The following EGFLAM variants were observed in gnomAD, a reference collection of about 807,000 sequenced individuals.
EGFLAM encodes the protein pikachurin.
In EGFLAM, 79 loss-of-function variants were observed where a neutral mutation model predicts 113.1. The observed-to-expected ratio is 0.70, with a 90% confidence interval of 0.58 to 0.84. EGFLAM has a LOEUF of 0.84. Ranked by LOEUF, EGFLAM falls within the 40% of genes least tolerant of loss-of-function variation. The probability of loss-of-function intolerance (pLI) is 0.00; values close to 1 mark genes in which losing one functional copy is unlikely to be tolerated. For missense variants in EGFLAM, 1,265 were observed against 1,291.6 expected (o/e 0.98, Z 0.32); for synonymous variants, 504 against 487.6 (o/e 1.03, Z -0.44).
chr5:38,426,810 G>T (rs946657767), intron 13 of EGFLAM, among the ~76,000 whole-genome samples, 199 bp from the exon 14 acceptor site: 14 of 152,110 alleles, frequency 9.2e-5, no homozygotes, highest in African/African-American at 3.4e-4. Context: ...GAAGTTTTAG[G>T]GGCCAGACTT....
chr5:38,355,860 A>T (rs1739749290), intron 5 of EGFLAM, among the ~76,000 whole-genome samples: 1 of 152,132 alleles, frequency 6.6e-6, no homozygotes, highest in Non-Finnish European at 1.5e-5. Context: ...TCCCAAGTTC[A>T]AGTGATTCTC....
At position 38,330,669 on chromosome 5, in the gene EGFLAM, G is replaced by T. The variant is rs139638452; in HGVS notation, c.98-6851G>T. On this transcript the variant is annotated intron_variant, in intron 1 of 21. Coordinates refer to ENST00000322350, the MANE Select transcript of EGFLAM (RefSeq NM_152403.4). ...GGTTCCCCTGTTAGTGACCCAAGGA[G>T]CCTGCCTTGATCACTTGCAATTTTT... 1.1e-3 allele frequency among the ~76,000 whole-genome samples: 171 copies of T among 152,286 alleles called. 1 individual carries two copies. The highest frequency in any genetic ancestry group is 3.8e-3 in the African/African-American group (158 of 41,554).
At chr5:38,278,469 A>G (rs1020237127) in intron 1 of EGFLAM, among the ~76,000 whole-genome samples, 3 of 152,120 alleles carry the variant, frequency 2.0e-5, no homozygotes, top group Admixed American at 1.3e-4. Context: ...AAAGAGCTCT[A>G]TAACATTGAT....
At chr5:38,422,016 G>A (rs1381032152) in intron 12 of EGFLAM, among the ~76,000 whole-genome samples, 1 of 152,092 alleles carries the variant, frequency 6.6e-6, no homozygotes, top group Non-Finnish European at 1.5e-5. Context: ...TGGTGGTGGT[G>A]GTAGAAACAG....
intron 6 of EGFLAM, among the ~76,000 whole-genome samples, chr5:38,402,619 A>G (rs1741150963): frequency 6.6e-6 from 1 of 152,162 alleles, no homozygotes; most frequent in Non-Finnish European, 1.5e-5. Flanking sequence ...ATTTTAGGTA[A>G]ATTACTTAAC....
intron 1 of EGFLAM, among the ~76,000 whole-genome samples, chr5:38,304,940 AT>A (rs1461780937): frequency 4.6e-5 from 7 of 152,184 alleles, no homozygotes; most frequent in African/African-American, 1.7e-4. Context: ...GAGCCTTGGG[AT>A]TTTAATAATA....
At chr5:38,302,236 C>CAAA (rs35820077) in intron 1 of EGFLAM, among the ~76,000 whole-genome samples, 2 of 100,780 alleles carry the variant, frequency 2.0e-5, no homozygotes, top group Non-Finnish European at 4.3e-5. Flanking sequence ...AAGTCCATCT[C>CAAA]AAAAAAAAAA....
chr5:38,313,628 C>T (rs1382442980), intron 1 of EGFLAM, among the ~76,000 whole-genome samples: 1 of 152,110 alleles, frequency 6.6e-6, no homozygotes, highest in Non-Finnish European at 1.5e-5. Context: ...CTAATCAAAA[C>T]ATATAAAAAC....
chr5:38,376,285 TA>T (rs1251252865), intron 6 of EGFLAM, among the ~76,000 whole-genome samples: 1 of 152,170 alleles, frequency 6.6e-6, no homozygotes, highest in Non-Finnish European at 1.5e-5. Flanking sequence ...ATGGCAGAAG[TA>T]AAAAAGTCAC....
At chr5:38,441,622 A>G (rs1341163907) in intron 17 of EGFLAM, among the ~76,000 whole-genome samples, 5 of 151,632 alleles carry the variant, frequency 3.3e-5, no homozygotes, top group East Asian at 1.9e-4. Context: ...ACACACACAC[A>G]CGCATTCACG....
At chr5:38,386,979 G>A (rs1025938852) in intron 6 of EGFLAM, among the ~76,000 whole-genome samples, 1 of 152,200 alleles carries the variant, frequency 6.6e-6, no homozygotes, top group Admixed American at 6.5e-5. Context: ...GGTTTTGTGG[G>A]TCAGGGAACT....
intron 3 of EGFLAM, among the ~76,000 whole-genome samples, chr5:38,348,392 G>C (rs1739529336): frequency 6.6e-6 from 1 of 152,146 alleles, no homozygotes; most frequent in South Asian, 2.1e-4. Context: ...CAGAGAAAGG[G>C]GGGTGGATGG....
chr5:38,438,363 C>T lies in EGFLAM; in HGVS notation c.2372C>T (p.Ala791Val). Residue 791 changes from alanine (A) to valine (V), a missense_variant, in exon 17 of 22, where the codon GCC becomes GTC. Physicochemically the swap from Ala to Val is moderately conservative, Grantham distance 64 (BLOSUM62 0). Transcript: ENST00000322350. The stretch of plus-strand genomic sequence containing the variant: ...AATGCGGCCCACCCCTGTGTGAGAG[C>T]CCCTTGTGCCCATGGGGGCAGCTGC... ...VENAAHPCVR[A>V]PCAHGGSCRP... 1.9e-6 allele frequency: 3 copies of T among 1,614,106 alleles called. No individual in the cohort carries two copies. The highest frequency in any genetic ancestry group is 2.5e-6 in the Non-Finnish European group (3 of 1,179,988).
At chr5:38,446,975 G>A (rs1355103599) in intron 17 of EGFLAM, among the ~76,000 whole-genome samples, 5 of 152,142 alleles carry the variant, frequency 3.3e-5, no homozygotes, top group African/African-American at 1.2e-4. Flanking sequence ...TTTTCGTGAA[G>A]CTATAACGTG....
chr5:38,388,792 G>A (rs10472302), intron 6 of EGFLAM, among the ~76,000 whole-genome samples: 42,354 of 149,308 alleles, frequency 0.28, 7,188 homozygotes, highest in African/African-American at 0.47. Flanking sequence ...GCTGGGCTCA[G>A]TGGTGCACAC....
chr5:38,363,050 G>A (rs1739968900), intron 5 of EGFLAM, among the ~76,000 whole-genome samples: 1 of 152,150 alleles, frequency 6.6e-6, no homozygotes, highest in Non-Finnish European at 1.5e-5. Flanking sequence ...TTGTCATTTG[G>A]TTAGGTTAAA....
chr5:38,267,563 T>A (rs961363182), intron 1 of EGFLAM, among the ~76,000 whole-genome samples: 1 of 152,100 alleles, frequency 6.6e-6, no homozygotes, highest in African/African-American at 2.4e-5. Flanking sequence ...CTGTAATTTA[T>A]TTTTTAAGTA....
At chr5:38,419,405 G>T (rs1479948698) in intron 12 of EGFLAM, among the ~76,000 whole-genome samples, 1 of 152,136 alleles carries the variant, frequency 6.6e-6, no homozygotes, top group Non-Finnish European at 1.5e-5. Context: ...GAAATGGCAA[G>T]TCTCCTCCTT....
chr5:38,455,006 T>C (rs1743040960), intron 19 of EGFLAM, among the ~76,000 whole-genome samples: 1 of 152,248 alleles, frequency 6.6e-6, no homozygotes, highest in Non-Finnish European at 1.5e-5. Context: ...TCATTTTGTT[T>C]TGTGATTGTA....
Sources: allele counts gnomAD v4.1 joint callset (sites outside exome capture counted in the v4.1 genomes callset), GRCh38; gene constraint gnomAD v4.1.1; transcripts MANE v1.5; gene names NCBI Gene and HGNC (gene_info 2026-07-23, HGNC 2026-07-21).